The following SMAD2 variants were observed in gnomAD, a reference collection of about 807,000 sequenced individuals.
SMAD2 encodes MAD homolog 2.
SMAD2 carries 8 observed loss-of-function variants against 64.4 expected under a neutral mutation model. The ratio of observed to expected loss-of-function variants is 0.12; its 90% CI spans 0.07 to 0.22. SMAD2 has a LOEUF of 0.22. SMAD2 is among the 10% of genes least tolerant of loss of function. SMAD2 has a pLI of 1.00. For missense variants in SMAD2, 289 were observed against 561.2 expected (o/e 0.51, Z 4.90); for synonymous variants, 203 against 195.8 (o/e 1.04, Z -0.31).
intron 1 of SMAD2, among the ~76,000 whole-genome samples, chr18:47,911,837 A>G (rs561289770): frequency 6.6e-6 from 1 of 152,380 alleles, no homozygotes; most frequent in South Asian, 2.1e-4. Flanking sequence ...GCAAATACAC[A>G]AAACTCCATC....
At position 47,818,978 on chromosome 18, in the gene SMAD2, T is replaced by G. The variant is rs953147213; in HGVS notation, c.*22849A>C. ...AATGAAAGCTATGTTTGTGTATGTGTATGTTTAGGTGTGTTTACACATATG... is the reference window on the plus strand; with the variant it reads ...AATGAAAGCTATGTTTGTGTATGTGGATGTTTAGGTGTGTTTACACATATG... On this transcript the variant is annotated 3_prime_UTR_variant, in exon 11 of 11. Transcript: ENST00000262160. The G allele has an allele frequency of 3.3e-5, 5 of 152,254 alleles. No individual in the cohort carries two copies. Among genetic ancestry groups the G allele is most frequent in the Non-Finnish European group, 7.3e-5 (5 of 68,048 alleles). The allele number at this position is 152,254 out of a possible 1,614,324, so 9.4% of individuals were successfully genotyped here.
At chr18:47,915,521 T>G (rs746500060) in intron 1 of SMAD2, among the ~76,000 whole-genome samples, 1 of 152,184 alleles carries the variant, frequency 6.6e-6, no homozygotes, top group African/African-American at 2.4e-5. Flanking sequence ...TTTTATACCA[T>G]GTAAAAGCTC....
intron 1 of SMAD2, among the ~76,000 whole-genome samples, chr18:47,917,116 G>T (rs1376733370): frequency 6.6e-6 from 1 of 152,206 alleles, no homozygotes; most frequent in African/African-American, 2.4e-5. Context: ...TGCCTCCTGG[G>T]TTCAAGCGAT....
chr18:47,912,245 A>C (rs1598883980), intron 1 of SMAD2: 2 of 152,242 alleles, frequency 1.3e-5, no homozygotes, highest in African/African-American at 4.8e-5. Flanking sequence ...AAAGAGCTGA[A>C]GACAGAAATT....
At chr18:47,911,201 A>C (rs1039758401) in intron 1 of SMAD2, among the ~76,000 whole-genome samples, 42 of 152,130 alleles carry the variant, frequency 2.8e-4, no homozygotes, top group African/African-American at 8.7e-4. Context: ...AAATACAAAA[A>C]TTAGCTGGGC....
chr18:47,887,561 C>T (rs1233111668), intron 2 of SMAD2, among the ~76,000 whole-genome samples: 1 of 152,130 alleles, frequency 6.6e-6, no homozygotes, highest in Admixed American at 6.5e-5. Flanking sequence ...CCAAGTATGG[C>T]CTCTTGATCC....
rs2144275770 is a variant in SMAD2 at position 47,841,797 on chromosome 18, G to C, written c.*30C>G. On this transcript the variant is annotated 3_prime_UTR_variant, in exon 11 of 11. Transcript: ENST00000262160. ...TATGACAGAAGAGTTGTTACATTAA[G>C]TCTTTTCATGGGACTTGATTGGTGA... The C allele has an allele frequency of 2.5e-6, 4 of 1,613,654 alleles. No homozygotes were observed. The highest frequency in any genetic ancestry group is 3.4e-6 in the Non-Finnish European group (4 of 1,179,594).
At chr18:47,919,638 A>C (rs1465886783) in intron 1 of SMAD2, among the ~76,000 whole-genome samples, 1 of 152,158 alleles carries the variant, frequency 6.6e-6, no homozygotes, top group African/African-American at 2.4e-5. Context: ...TGCAAATCGG[A>C]GCAAGCTAAA....
intron 6 of SMAD2, among the ~76,000 whole-genome samples, chr18:47,859,646 G>C (rs942496993): frequency 1.3e-5 from 2 of 152,074 alleles, no homozygotes; most frequent in Non-Finnish European, 2.9e-5. Flanking sequence ...ATAAAGCTTA[G>C]AGGGAAATTT....
chr18:47,919,143 G>T (rs183786373), intron 1 of SMAD2, among the ~76,000 whole-genome samples: 222 of 152,222 alleles, frequency 1.5e-3, no homozygotes, highest in African/African-American at 5.2e-3. Context: ...TTTGTCAACA[G>T]TATACTGTAA....
intron 1 of SMAD2, among the ~76,000 whole-genome samples, chr18:47,920,964 A>C (rs747292283): frequency 1.9e-4 from 29 of 152,186 alleles, no homozygotes; most frequent in Non-Finnish European, 4.0e-4. Context: ...AGACAAATCT[A>C]GGCAACATGG....
intron 2 of SMAD2, among the ~76,000 whole-genome samples, chr18:47,889,437 T>G: frequency 6.9e-6 from 1 of 144,822 alleles, no homozygotes; most frequent in South Asian, 2.2e-4. Context: ...GTAAATACTT[T>G]AAAAAAAAAA....
At chr18:47,918,309 C>CT (rs1243990630) in intron 1 of SMAD2, among the ~76,000 whole-genome samples, 1 of 152,192 alleles carries the variant, frequency 6.6e-6, no homozygotes, top group Non-Finnish European at 1.5e-5. Flanking sequence ...TCCCAAACCC[C>CT]TTCCTCCACT....
chr18:47,868,580 T>A, intron 4 of SMAD2, 123 bp from the exon 5 acceptor site: 1 of 732,572 alleles, frequency 1.4e-6, no homozygotes, highest in Non-Finnish European at 2.4e-6. Flanking sequence ...GTCCACCTAC[T>A]CGATATATAC....
chr18:47,883,745 C>T (rs893870285), intron 2 of SMAD2, among the ~76,000 whole-genome samples: 25 of 152,156 alleles, frequency 1.6e-4, no homozygotes, highest in Admixed American at 1.1e-3. Flanking sequence ...TTGTATGCTG[C>T]GTGCCATTTT....
rs1404630892 is a variant in SMAD2 at position 47,836,298 on chromosome 18, A to C, written c.*5529T>G. ...TAGTATTATCAACAACAACAAAGTT[A>C]ACCCTAAGTTAGTACATCCCAGAAT... On this transcript the variant is annotated 3_prime_UTR_variant, in exon 11 of 11. Coordinates refer to ENST00000262160, the MANE Select transcript of SMAD2 (RefSeq NM_005901.6). 1 of 223,948 alleles carries C rather than the reference A, an allele frequency of 4.5e-6. No individual in the cohort carries two copies. Among genetic ancestry groups the C allele is most frequent in the Non-Finnish European group, 8.9e-6 (1 of 112,324 alleles). The allele number at this position is 223,948 out of a possible 1,614,324, so 13.9% of individuals were successfully genotyped here. A position where few individuals can be genotyped will look rare whatever the true frequency, so the allele number is the denominator to read the frequency against.
chr18:47,915,298 T>A (rs997229198), intron 1 of SMAD2, among the ~76,000 whole-genome samples: 6 of 152,210 alleles, frequency 3.9e-5, no homozygotes, highest in African/African-American at 1.4e-4. Flanking sequence ...TACAATACAG[T>A]TCTGTACATT....
chr18:47,900,356 A>G (rs2033634745), intron 1 of SMAD2, among the ~76,000 whole-genome samples: 1 of 152,126 alleles, frequency 6.6e-6, no homozygotes, highest in Non-Finnish European at 1.5e-5. Flanking sequence ...ATCCAGCCCT[A>G]ACTACTCAAA....
chr18:47,856,453 T>A (rs2030691251), intron 6 of SMAD2, among the ~76,000 whole-genome samples: 1 of 152,184 alleles, frequency 6.6e-6, no homozygotes, highest in African/African-American at 2.4e-5. Flanking sequence ...ACATATACAA[T>A]AAAAATGTAT....
Sources: gnomAD v4.1 joint callset for allele counts (sites outside exome capture counted in the v4.1 genomes callset) on GRCh38, gnomAD v4.1.1 for gene constraint, MANE v1.5 for transcripts, NCBI Gene and HGNC (gene_info 2026-07-23, HGNC 2026-07-21) for gene names.